EPB41L4B: variants seen among roughly 807,000 people sequenced by gnomAD.
EPB41L4B encodes the protein band 4.1-like protein 4B.
A neutral mutation model predicts 112.5 loss-of-function variants in EPB41L4B; 30 were observed. That is an observed-to-expected ratio of 0.27 (90% CI 0.20 to 0.36). EPB41L4B has a LOEUF of 0.36. Among genes scored for constraint, EPB41L4B ranks in the 10% least tolerant of loss-of-function variants. The pLI, the probability that EPB41L4B is intolerant of heterozygous loss-of-function variation, is 1.00. For missense variants in EPB41L4B, 1,024 were observed against 1,133.3 expected, an observed-to-expected ratio of 0.90 and a Z score of 1.38; for synonymous variants, 408 against 439.7, an observed-to-expected ratio of 0.93 and a Z score of 0.90.
intron 1 of EPB41L4B, among the ~76,000 whole-genome samples, chr9:109,303,089 A>C (rs1215633806): frequency 1.3e-5 from 2 of 151,500 alleles, no homozygotes; most frequent in African/African-American, 4.8e-5. Flanking sequence ...TCTAAAAAAA[A>C]AAAAAAGAGA....
At chr9:109,229,846 C>T (rs1352405802) in intron 15 of EPB41L4B, among the ~76,000 whole-genome samples, 1 of 152,150 alleles carries the variant, frequency 6.6e-6, no homozygotes, top group Non-Finnish European at 1.5e-5. Context: ...GCAGCCTTGT[C>T]TGCTTGTCCC....
At chr9:109,221,786 T>A (rs1833581652) in intron 15 of EPB41L4B, among the ~76,000 whole-genome samples, 1 of 152,136 alleles carries the variant, frequency 6.6e-6, no homozygotes, top group Non-Finnish European at 1.5e-5. Context: ...GGGAAAGATG[T>A]CTTGTAGCAG....
chr9:109,280,097 C>G (rs1229184114), intron 1 of EPB41L4B, among the ~76,000 whole-genome samples, 176 bp from the exon 2 acceptor site: 1 of 152,164 alleles, frequency 6.6e-6, no homozygotes, highest in Non-Finnish European at 1.5e-5. Context: ...TAAAGAAACT[C>G]AAATGCCACA....
chr9:109,256,520 G>A (rs764778132), intron 7 of EPB41L4B, 40 bp from the exon 8 acceptor site: 11 of 1,569,730 alleles, frequency 7.0e-6, no homozygotes, highest in Admixed American at 1.7e-5. Flanking sequence ...ACTGCGACTC[G>A]TAAGCCCACA....
intron 20 of EPB41L4B, among the ~76,000 whole-genome samples, chr9:109,197,488 C>T (rs974186802): frequency 2.0e-5 from 3 of 151,850 alleles, no homozygotes; most frequent in Non-Finnish European, 2.9e-5. Flanking sequence ...GTCAAGGATT[C>T]GAGAACTCTT....
chr9:109,306,741 G>C (rs1345189589), intron 1 of EPB41L4B, among the ~76,000 whole-genome samples: 1 of 152,230 alleles, frequency 6.6e-6, no homozygotes, highest in Admixed American at 6.5e-5. Flanking sequence ...CTCCCCAGAA[G>C]ATTCTAAGCA....
intron 1 of EPB41L4B, among the ~76,000 whole-genome samples, chr9:109,289,201 C>T (rs552504896): frequency 8.5e-4 from 130 of 152,258 alleles, no homozygotes; most frequent in East Asian, 1.3e-3. Context: ...AAGTTTTATC[C>T]CTCCCAGGAC....
chr9:109,221,047 G>A (rs1333834906), intron 15 of EPB41L4B, among the ~76,000 whole-genome samples: 3 of 152,154 alleles, frequency 2.0e-5, no homozygotes, highest in Non-Finnish European at 4.4e-5. Context: ...TGGGTTAAGC[G>A]ATTTCTGGGC....
At chr9:109,287,842 T>G (rs1836357034) in intron 1 of EPB41L4B, among the ~76,000 whole-genome samples, 1 of 152,136 alleles carries the variant, frequency 6.6e-6, no homozygotes, top group African/African-American at 2.4e-5. Flanking sequence ...GCTTAAGTGA[T>G]CCTTCTACCT....
chr9:109,262,478 T>TGC (rs571677525), intron 6 of EPB41L4B, among the ~76,000 whole-genome samples: 361 of 151,742 alleles, frequency 2.4e-3, no homozygotes, highest in Non-Finnish European at 3.3e-3. Context: ...TGTGTGTGTG[T>TGC]GCAAACCCCT....
At chr9:109,274,335 C>A (rs915433369) in intron 2 of EPB41L4B, among the ~76,000 whole-genome samples, 1 of 152,100 alleles carries the variant, frequency 6.6e-6, no homozygotes, top group East Asian at 1.9e-4. Context: ...AAATCCCTGC[C>A]CCTCCTCTGC....
Position 109,255,649 on chromosome 9 carries a change from C to G in EPB41L4B, c.1031G>C (p.Arg344Pro). The change falls in exon 11 of 26, where the codon CGG becomes CCG. Residue 344 changes from arginine (R) to proline (P), a missense_variant. Physicochemically the swap from Arg to Pro is moderately radical, Grantham distance 103. Coordinates refer to ENST00000374566, the MANE Select transcript of EPB41L4B (RefSeq NM_019114.5). Reference sequence around the variant, plus strand: ...TTTGCAGGTCCTGGCACTGTCTAACCGGAACACAAACGTGTGCTCTTGCTC... The same window carrying G: ...TTTGCAGGTCCTGGCACTGTCTAACGGGAACACAAACGTGTGCTCTTGCTC... ...GREQEHTFVF[R>P]LDSARTCKHL... 2 of 1,613,678 alleles carry G rather than the reference C, an allele frequency of 1.2e-6. No individual in the cohort carries two copies. The highest frequency in any genetic ancestry group is 1.7e-4 in the Middle Eastern group (1 of 6,058).
chr9:109,246,130 G>A (rs577312949), intron 14 of EPB41L4B, among the ~76,000 whole-genome samples: 111 of 152,282 alleles, frequency 7.3e-4, no homozygotes, highest in African/African-American at 2.4e-3. Flanking sequence ...GGCCGGGCAC[G>A]GTGGCTCACA....
At chr9:109,319,564 T>C (rs1302642364) in intron 1 of EPB41L4B, among the ~76,000 whole-genome samples, 3 of 152,142 alleles carry the variant, frequency 2.0e-5, no homozygotes, top group Non-Finnish European at 4.4e-5. Context: ...GAATGGGGTG[T>C]ATCCAGAAGG....
At chr9:109,223,080 C>A (rs976890556) in intron 15 of EPB41L4B, among the ~76,000 whole-genome samples, 1 of 152,156 alleles carries the variant, frequency 6.6e-6, no homozygotes, top group Non-Finnish European at 1.5e-5. Flanking sequence ...GTACCCCCAA[C>A]CAGAGCATCT....
intron 4 of EPB41L4B, among the ~76,000 whole-genome samples, chr9:109,266,968 CAAAAAAAAAAAAAAAA>C (rs3061574): frequency 3.3e-5 from 3 of 91,744 alleles, no homozygotes; most frequent in Non-Finnish European, 4.3e-5. Context: ...GATTTTGTTT[CAAAAAAAAAAAAAAAA>C]AAAAAAAAAG....
chr9:109,275,181 G>C (rs1163645461), intron 2 of EPB41L4B, among the ~76,000 whole-genome samples: 1 of 152,240 alleles, frequency 6.6e-6, no homozygotes, highest in East Asian at 1.9e-4. Flanking sequence ...GGGCACTATG[G>C]AAACCAGGCG....
chr9:109,219,596 G>C (rs1460670476), intron 15 of EPB41L4B, among the ~76,000 whole-genome samples: 1 of 150,892 alleles, frequency 6.6e-6, no homozygotes, highest in African/African-American at 2.4e-5. Context: ...TCCTGACCTT[G>C]TGATCCACCC....
chr9:109,198,886 G>GGTGACAGA (rs538442187), intron 20 of EPB41L4B, among the ~76,000 whole-genome samples: 3 of 150,098 alleles, frequency 2.0e-5, no homozygotes, highest in Admixed American at 6.7e-5. Context: ...CTCCAGCCTG[G>GGTGACAGA]GTGACAGAGT....
Sources: gnomAD v4.1 joint callset for allele counts (sites outside exome capture counted in the v4.1 genomes callset) on GRCh38, gnomAD v4.1.1 for gene constraint, MANE v1.5 for transcripts, NCBI Gene and HGNC (gene_info 2026-07-23, HGNC 2026-07-21) for gene names.